Variants in SLCO3A1 observed in about 807,000 individuals in gnomAD.
SLCO3A1 encodes the protein PGE1 transporter.
SLCO3A1 carries 27 observed loss-of-function variants against 63.1 expected under a neutral mutation model. The observed-to-expected ratio is 0.43, with a 90% CI of 0.32 to 0.59. The LOEUF is 0.59. Among genes scored for constraint, SLCO3A1 ranks in the 20% least tolerant of loss-of-function variants. SLCO3A1 has a pLI of 0.09. For synonymous variants in SLCO3A1, 473 were observed against 409.9 expected (o/e 1.15, Z -1.86); for missense variants, 773 against 945.8 (o/e 0.82, Z 2.40).
chr15:92,111,817 A>G (rs958596355), intron 4 of SLCO3A1, among the ~76,000 whole-genome samples: 10 of 152,186 alleles, frequency 6.6e-5, no homozygotes, highest in South Asian at 4.1e-4. Context: ...GCATTTCCCA[A>G]TGAGGGTCCC....
intron 2 of SLCO3A1, among the ~76,000 whole-genome samples, chr15:92,032,008 T>C (rs2046655781): frequency 6.6e-6 from 1 of 152,124 alleles, no homozygotes; most frequent in Admixed American, 6.5e-5. Context: ...TTCTGTCCAC[T>C]CTCAGGATTG....
intron 2 of SLCO3A1, among the ~76,000 whole-genome samples, chr15:92,080,432 A>G (rs2047329799): frequency 1.3e-5 from 2 of 151,428 alleles, no homozygotes; most frequent in African/African-American, 2.4e-5. Flanking sequence ...AAGCAGAACT[A>G]TAGAAAAAGT....
At chr15:91,951,562 T>C (rs1214360515) in intron 2 of SLCO3A1, among the ~76,000 whole-genome samples, 5 of 150,638 alleles carry the variant, frequency 3.3e-5, no homozygotes, top group African/African-American at 1.2e-4. Context: ...TCTTTTCTTT[T>C]TTTTTTTTTT....
chr15:92,148,673 C>A (rs376608458), intron 8 of SLCO3A1: 3 of 152,086 alleles, frequency 2.0e-5, no homozygotes, highest in African/African-American at 7.2e-5. Context: ...AATATTCAGA[C>A]CCTTTTATTC....
At chr15:92,025,452 T>C (rs1264994316) in intron 2 of SLCO3A1, among the ~76,000 whole-genome samples, 1 of 152,112 alleles carries the variant, frequency 6.6e-6, no homozygotes, top group African/African-American at 2.4e-5. Flanking sequence ...CTGCTCTTGC[T>C]GCTGCTGCTG....
rs1900690918 is a variant in SLCO3A1, at chr15:91,967,192, G to A, written c.646+50734G>A. ...AAAACAAAAAGATTATTAGATGGTA[G>A]GAAACTATGTCTAAATAAACCCAGT... On this transcript the variant is annotated intron_variant, in intron 2 of 9. Transcript: ENST00000318445. This position sits in a 1 kb window ranked among gnomAD's most constrained non-coding sequence, Gnocchi z 4.4. 6.6e-6 allele frequency among the ~76,000 whole-genome samples: 1 copy of A among 152,086 alleles called. No homozygotes were observed. Among genetic ancestry groups the A allele is most frequent in the Non-Finnish European group, 1.5e-5 (1 of 68,010 alleles).
At chr15:91,979,292 C>G (rs989484126) in intron 2 of SLCO3A1, among the ~76,000 whole-genome samples, 1 of 152,128 alleles carries the variant, frequency 6.6e-6, no homozygotes, top group African/African-American at 2.4e-5. Flanking sequence ...TCATATACAC[C>G]TTATGCACAT....
At chr15:92,110,617 C>G (rs866902989) in intron 4 of SLCO3A1, among the ~76,000 whole-genome samples, 1 of 152,218 alleles carries the variant, frequency 6.6e-6, no homozygotes, top group African/African-American at 2.4e-5. Flanking sequence ...TTAGGAACAT[C>G]TTCCTGACCT....
intron 2 of SLCO3A1, among the ~76,000 whole-genome samples, chr15:91,936,846 T>C (rs1899429870): frequency 6.6e-6 from 1 of 152,194 alleles, no homozygotes; most frequent in African/African-American, 2.4e-5. Flanking sequence ...AGGACATTCC[T>C]GAGTTCGATA....
chr15:92,097,472 G>A (rs1034610577), intron 3 of SLCO3A1, among the ~76,000 whole-genome samples: 1 of 152,186 alleles, frequency 6.6e-6, no homozygotes, highest in Non-Finnish European at 1.5e-5. Flanking sequence ...AGCCTGGAAT[G>A]CTGTTCCCAT....
intron 7 of SLCO3A1, among the ~76,000 whole-genome samples, chr15:92,131,226 T>TC (rs2047991702): frequency 6.6e-6 from 1 of 152,082 alleles, no homozygotes. Flanking sequence ...AAATAGTGTC[T>TC]CCCTCTGTAC....
chr15:92,029,230 GA>G (rs1181344937), intron 2 of SLCO3A1, among the ~76,000 whole-genome samples: 2 of 151,972 alleles, frequency 1.3e-5, no homozygotes, highest in Non-Finnish European at 2.9e-5. Context: ...GACCCTGGGG[GA>G]AAAAAAGGAA....
chr15:92,072,201 G>GTTTTTTTTTTT (rs1567103625), intron 2 of SLCO3A1, among the ~76,000 whole-genome samples: 1 of 131,644 alleles, frequency 7.6e-6, no homozygotes, highest in Non-Finnish European at 1.7e-5. Flanking sequence ...TCTTTTTTTT[G>GTTTTTTTTTTT]GTTTTTTTTT....
intron 5 of SLCO3A1, 35 bp downstream of exon 5, chr15:92,120,664 G>T (rs1186893104): frequency 6.2e-7 from 1 of 1,601,830 alleles, no homozygotes; most frequent in East Asian, 2.2e-5. Flanking sequence ...AGAGGGTCGG[G>T]GGAGGGTGTC....
At chr15:92,034,016 T>TCCCAAGGCCA (rs1468538498) in intron 2 of SLCO3A1, among the ~76,000 whole-genome samples, 2 of 146,790 alleles carry the variant, frequency 1.4e-5, no homozygotes, top group South Asian at 2.1e-4. Context: ...CTGGTGACCA[T>TCCCAAGGCCA]TGGGCTGATC....
intron 1 of SLCO3A1, among the ~76,000 whole-genome samples, chr15:91,901,903 A>G (rs1898166515): frequency 9.1e-6 from 1 of 110,118 alleles, no homozygotes; most frequent in South Asian, 3.7e-4. Context: ...TTATTTCTTC[A>G]ATTTTTTTTT....
Position 91,875,856 on chromosome 15 carries a change from C to T in SLCO3A1, c.180+21768C>T, listed in dbSNP as rs1405660733. Among the ~76,000 whole-genome samples the T allele has an allele frequency of 2.6e-5, 4 of 152,202 alleles. No homozygotes were observed. Among genetic ancestry groups the T allele is most frequent in the Non-Finnish European group, 5.9e-5 (4 of 68,048 alleles). On this transcript the variant is annotated intron_variant, in intron 1 of 9. Transcript: ENST00000318445. This position sits in a 1 kb window ranked among gnomAD's most constrained non-coding sequence, Gnocchi z 4.5. ...CCATGCTGATTTATGTATATATTAT[C>T]ATCATCATGTGACAGAAACCATATT...
At chr15:91,893,581 T>C (rs890215533) in intron 1 of SLCO3A1, among the ~76,000 whole-genome samples, 2 of 151,984 alleles carry the variant, frequency 1.3e-5, no homozygotes, top group Non-Finnish European at 1.5e-5. Flanking sequence ...CTTAATCACC[T>C]CCCAAAGGCT....
At chr15:92,150,003 G>A (rs1409988619) in intron 8 of SLCO3A1, among the ~76,000 whole-genome samples, 1 of 152,114 alleles carries the variant, frequency 6.6e-6, no homozygotes, top group Admixed American at 6.5e-5. Flanking sequence ...TTTCTGTCCA[G>A]AGGCACTGGA....
Sources: gnomAD v4.1 joint callset for allele counts (sites outside exome capture counted in the v4.1 genomes callset) on GRCh38, gnomAD v4.1.1 for gene constraint, Gnocchi (gnomAD v3.1) non-coding constraint, MANE v1.5 for transcripts, NCBI Gene and HGNC (gene_info 2026-07-23, HGNC 2026-07-21) for gene names.